Variants in GALNT2 observed in about 807,000 individuals in gnomAD.
GALNT2 encodes the protein polypeptide N-acetylgalactosaminyltransferase 2.
A neutral mutation model predicts 81.4 loss-of-function variants in GALNT2; 31 were observed. That is an observed-to-expected ratio of 0.38 (90% CI 0.29 to 0.51). The LOEUF (loss-of-function observed/expected upper bound fraction) is 0.51, where lower values mean the gene tolerates loss of function less well. Among genes scored for constraint, GALNT2 ranks in the 20% least tolerant of loss-of-function variants. The pLI, the probability that GALNT2 is intolerant of heterozygous loss-of-function variation, is 0.87. For synonymous variants in GALNT2, 303 were observed against 287.4 expected, an observed-to-expected ratio of 1.05 and a Z score of -0.55; for missense variants, 629 against 765.7, an observed-to-expected ratio of 0.82 and a Z score of 2.11.
intron 3 of GALNT2, among the ~76,000 whole-genome samples, chr1:230,218,701 T>C (rs1340068745): frequency 6.6e-6 from 1 of 152,212 alleles, no homozygotes; most frequent in Non-Finnish European, 1.5e-5. Flanking sequence ...TGTCAATGTT[T>C]ATGGATGGTT....
Position 230,241,742 on chromosome 1 carries a change from C to T in GALNT2, c.608-1564C>T, listed in dbSNP as rs1347170458. 5.3e-5 allele frequency among the ~76,000 whole-genome samples: 8 copies of T among 152,198 alleles called. No homozygotes were observed. The East Asian group carries it at 9.6e-4, about 18-fold the overall frequency. On this transcript the variant is annotated intron_variant, in intron 6 of 15. Coordinates refer to ENST00000366672, the MANE Select transcript of GALNT2 (RefSeq NM_004481.5). Reference sequence around the variant, plus strand: ...GATTACAGGCGTGAGCCACCACGCCCGGCCATGAGTTTGTTTTTATGAGTC... The same window carrying T: ...GATTACAGGCGTGAGCCACCACGCCTGGCCATGAGTTTGTTTTTATGAGTC...
At chr1:230,098,393 C>T (rs1189300554) in intron 1 of GALNT2, among the ~76,000 whole-genome samples, 1 of 151,892 alleles carries the variant, frequency 6.6e-6, no homozygotes, top group East Asian at 1.9e-4. Context: ...ATATCCATTT[C>T]CAGAATGTAC....
chr1:230,109,043 A>G (rs1660622583), intron 1 of GALNT2, among the ~76,000 whole-genome samples: 1 of 152,184 alleles, frequency 6.6e-6, no homozygotes, highest in Non-Finnish European at 1.5e-5. Context: ...AACAGTGCAA[A>G]CGTTTTCTAG....
intron 8 of GALNT2, among the ~76,000 whole-genome samples, chr1:230,247,340 G>A (rs1665405704): frequency 6.6e-6 from 1 of 152,192 alleles, no homozygotes; most frequent in African/African-American, 2.4e-5. Context: ...CCTGCCTCTT[G>A]CAGGCCCCGT....
intron 1 of GALNT2, among the ~76,000 whole-genome samples, chr1:230,151,775 G>GC (rs1289130572): frequency 2.2e-3 from 115 of 51,400 alleles, no homozygotes; most frequent in Non-Finnish European, 1.3e-3. Context: ...AGTGCAAAGT[G>GC]AAAAGTTTAT....
chr1:230,198,057 A>C (rs1663759386), intron 2 of GALNT2, among the ~76,000 whole-genome samples: 1 of 152,232 alleles, frequency 6.6e-6, no homozygotes, highest in Admixed American at 6.5e-5. Flanking sequence ...ATCGGCACGC[A>C]GCGATGAGAT....
At chr1:230,092,140 A>G (rs1016295273) in intron 1 of GALNT2, 1 of 144,700 alleles carries the variant, frequency 6.9e-6, no homozygotes, top group Non-Finnish European at 1.5e-5. Context: ...GACGTATTAT[A>G]TTTAATTGGA....
chr1:230,137,349 A>G (rs1305009305), intron 1 of GALNT2, among the ~76,000 whole-genome samples: 1 of 152,184 alleles, frequency 6.6e-6, no homozygotes, highest in Non-Finnish European at 1.5e-5. Context: ...CTTCTGCTTC[A>G]TGCTGTGTTT....
At chr1:230,181,557 C>T (rs1663161454) in intron 2 of GALNT2, among the ~76,000 whole-genome samples, 2 of 150,276 alleles carry the variant, frequency 1.3e-5, no homozygotes, top group African/African-American at 4.9e-5. Flanking sequence ...CCTTTCGTTT[C>T]CTTTTTTTTT....
At chr1:230,162,552 A>G (rs1159341315) in intron 1 of GALNT2, among the ~76,000 whole-genome samples, 3 of 152,182 alleles carry the variant, frequency 2.0e-5, no homozygotes, top group Non-Finnish European at 4.4e-5. Context: ...CCTCCATAGA[A>G]GCTAGAATCC....
intron 1 of GALNT2, among the ~76,000 whole-genome samples, chr1:230,146,860 G>C (rs775463577): frequency 6.6e-6 from 1 of 152,146 alleles, no homozygotes; most frequent in Non-Finnish European, 1.5e-5. Flanking sequence ...CCTGTGAGGA[G>C]GTTAGGTAAG....
intron 1 of GALNT2, chr1:230,092,093 C>A (rs1321238447): frequency 6.6e-6 from 1 of 151,116 alleles, no homozygotes; most frequent in African/African-American, 2.4e-5. Flanking sequence ...TTTCAACATT[C>A]TTTAGTAATC....
At chr1:230,166,617 G>A (rs567626915) in intron 1 of GALNT2, among the ~76,000 whole-genome samples, 1 of 152,334 alleles carries the variant, frequency 6.6e-6, no homozygotes, top group Admixed American at 6.5e-5. Flanking sequence ...CTGCCTTCTT[G>A]CTGTGACCAG....
chr1:230,067,291 G>T lies in GALNT2; in HGVS notation c.11G>T (p.Arg4Leu), dbSNP rs1659222368. 1 of 1,358,166 alleles carries T rather than the reference G, an allele frequency of 7.4e-7. No individual in the cohort carries two copies. The highest frequency in any genetic ancestry group is 1.5e-5 in the African/African-American group (1 of 65,474). 84.1% of individuals were successfully genotyped at this position (1,358,166 alleles called of 1,614,324 possible). A position where few individuals can be genotyped will look rare whatever the true frequency, so the allele number is the denominator to read the frequency against. Residue 4 changes from arginine (R) to leucine (L), a missense_variant, in exon 1 of 16, where the codon CGC becomes CTC. Physicochemically the swap from Arg to Leu is moderately radical, Grantham distance 102 (BLOSUM62 -2). Around this residue, in one of 3 missense-constraint regions of GALNT2, gnomAD observed 62 missense variants for 47.3 expected, o/e 1.31. Coordinates refer to ENST00000366672, the MANE Select transcript of GALNT2 (RefSeq NM_004481.5). ...GGCCGAGTTGGGAGAATGCGGCGGC[G>T]CTCGCGGATGCTGCTCTGCTTCGCC... is the stretch of plus-strand genomic sequence containing the variant. MRR[R>L]SRMLLCFAFL... is the part of the protein sequence containing the mutation.
chr1:230,148,237 C>T (rs956818604), intron 1 of GALNT2, among the ~76,000 whole-genome samples: 7 of 152,206 alleles, frequency 4.6e-5, no homozygotes, highest in Non-Finnish European at 1.0e-4. Flanking sequence ...GTGGCCAGCT[C>T]GGGGCGTGCA....
chr1:230,151,766 G>T (rs1333986101), intron 1 of GALNT2, among the ~76,000 whole-genome samples: 2 of 63,952 alleles, frequency 3.1e-5, no homozygotes, highest in African/African-American at 1.3e-4. Flanking sequence ...CAAGTCCGTA[G>T]TGCAAAGTGA....
At chr1:230,187,466 G>A (rs1663371334) in intron 2 of GALNT2, among the ~76,000 whole-genome samples, 1 of 151,990 alleles carries the variant, frequency 6.6e-6, no homozygotes, top group Non-Finnish European at 1.5e-5. Context: ...GCATCGGCAG[G>A]AGTAGAACTC....
At chr1:230,066,111 A>G (rs1403472435), upstream of GALNT2, among the ~76,000 whole-genome samples, 2 of 152,262 alleles carry the variant, frequency 1.3e-5, no homozygotes, top group Admixed American at 6.5e-5. Flanking sequence ...TCTCTAAGTA[A>G]TGCTGAAGGC....
chr1:230,275,494 C>T lies in GALNT2; in HGVS notation c.1560+930C>T, dbSNP rs1345790071. 2.0e-5 allele frequency among the ~76,000 whole-genome samples: 3 copies of T among 151,132 alleles called. No individual in the cohort carries two copies. Among genetic ancestry groups the T allele is most frequent in the Admixed American group, 1.3e-4 (2 of 15,170 alleles). ...AACACCACATATATATACATATACA[C>T]ACACACACCACAGATACATACATAT... On this transcript the variant is annotated intron_variant, in intron 15 of 15. Coordinates refer to ENST00000366672, the MANE Select transcript of GALNT2 (RefSeq NM_004481.5). The surrounding 1 kb of genome is among the most constrained non-coding windows in gnomAD (Gnocchi z 5.5).
Sources: allele counts gnomAD v4.1 joint callset (sites outside exome capture counted in the v4.1 genomes callset), GRCh38; gene constraint gnomAD v4.1.1; regional missense constraint gnomAD v4.1.1; non-coding constraint Gnocchi (gnomAD v3.1); transcripts MANE v1.5; gene names NCBI Gene and HGNC (gene_info 2026-07-23, HGNC 2026-07-21).